Variants in PARVA observed in about 807,000 individuals in gnomAD.
The protein encoded by PARVA is parvin alpha.
Under a neutral mutation model 52.6 loss-of-function variants are expected in PARVA, and 25 were observed. The ratio of observed to expected loss-of-function variants is 0.48; its 90% CI spans 0.35 to 0.66. The LOEUF is 0.66. PARVA is among the 30% of genes least tolerant of loss of function. The pLI is 0.01. For synonymous variants in PARVA, 185 were observed against 179.1 expected, an observed-to-expected ratio of 1.03 and a Z score of -0.26; for missense variants, 373 against 450.9, an observed-to-expected ratio of 0.83 and a Z score of 1.56.
chr11:12,505,088 C>G (rs1292017067), intron 6 of PARVA, among the ~76,000 whole-genome samples: 1 of 152,188 alleles, frequency 6.6e-6, no homozygotes, highest in Non-Finnish European at 1.5e-5. Context: ...AGGGTGTGCT[C>G]TCTCCCTGTG....
chr11:12,423,912 A>G (rs1284385018), intron 1 of PARVA, among the ~76,000 whole-genome samples: 1 of 152,158 alleles, frequency 6.6e-6, no homozygotes, highest in African/African-American at 2.4e-5. Context: ...ATCCTCCTGC[A>G]ATCTTCTTTG....
At chr11:12,378,662 GA>G (rs1411716524) in intron 1 of PARVA, among the ~76,000 whole-genome samples, 1 of 138,460 alleles carries the variant, frequency 7.2e-6, no homozygotes, top group Non-Finnish European at 1.5e-5. Context: ...TTTTTGGTTT[GA>G]AAACGAGGTG....
chr11:12,387,426 A>G (rs191932972), intron 1 of PARVA, among the ~76,000 whole-genome samples: 13 of 152,292 alleles, frequency 8.5e-5, no homozygotes, highest in Non-Finnish European at 7.4e-5. Flanking sequence ...ATGCTTCTTA[A>G]CTAACTGTCT....
At chr11:12,482,737 G>A (rs1057404355) in intron 4 of PARVA, among the ~76,000 whole-genome samples, 71 of 152,108 alleles carry the variant, frequency 4.7e-4, no homozygotes, top group African/African-American at 1.5e-3. Context: ...CTTACATGGC[G>A]GCAGGCAGAA....
intron 9 of PARVA, 124 bp downstream of exon 9, chr11:12,513,484 A>G (rs1941528929): frequency 2.3e-6 from 2 of 855,012 alleles, no homozygotes; most frequent in Non-Finnish European, 4.1e-6. Flanking sequence ...CTCTGCACAC[A>G]CAGGGCTTTC....
intron 1 of PARVA, among the ~76,000 whole-genome samples, chr11:12,383,364 G>A (rs991042558): frequency 6.6e-6 from 1 of 152,154 alleles, no homozygotes. Context: ...TCTGCTGAAG[G>A]CACCCGAATT....
chr11:12,504,259 A>T, intron 5 of PARVA, 55 bp from the exon 6 acceptor site: 1 of 995,282 alleles, frequency 1.0e-6, no homozygotes, highest in African/African-American at 1.6e-5. Flanking sequence ...ATCTGCTTAT[A>T]TTGCCTAGAA....
intron 1 of PARVA, among the ~76,000 whole-genome samples, chr11:12,469,140 G>A (rs1288821714): frequency 2.0e-5 from 3 of 152,096 alleles, no homozygotes; most frequent in Admixed American, 6.5e-5. Context: ...GTTTTATACC[G>A]AAGTTCAAGG....
Position 12,452,967 on chromosome 11 carries a change from G to T in PARVA, c.137-20778G>T, listed in dbSNP as rs1467867411. ...AACCACAGGGAGGGGGTCAGCTCTG[G>T]GCAGAAGATGCCATGATTGCCATGA... is the stretch of plus-strand genomic sequence containing the variant. On this transcript the variant is annotated intron_variant, in intron 1 of 12. Coordinates refer to ENST00000334956, the MANE Select transcript of PARVA (RefSeq NM_018222.5). The T allele has an allele frequency of 6.6e-6, 3 of 456,276 alleles. No individual in the cohort carries two copies. In the Admixed American group the frequency reaches 7.1e-5, roughly 11 times the overall value. The allele number at this position is 456,276 out of a possible 1,614,324, so 28.3% of individuals were successfully genotyped here.
At position 12,406,799 on chromosome 11, in the gene PARVA, T is replaced by C. The variant is rs564144168; in HGVS notation, c.136+29016T>C. Among the ~76,000 whole-genome samples, 7 of 150,976 alleles carry C rather than the reference T, an allele frequency of 4.6e-5. No individual in the cohort carries two copies. The South Asian group carries it at 1.3e-3, about 27-fold the overall frequency. ...CATTCTCCTGCCTCGGCCTCCCAAG[T>C]AGCTGGGACTACAGGCACCCGCCAC... On this transcript the variant is annotated intron_variant, in intron 1 of 12. Coordinates refer to ENST00000334956, the MANE Select transcript of PARVA (RefSeq NM_018222.5).
In PARVA at chr11:12,489,438, A is replaced by G. The variant is rs115899756; in HGVS notation, c.401-7020A>G. ...GCACTAGAGAAATTACCCAGAATCCAGTATAGAAAGACAACAGAATAGAAA... is the reference window on the plus strand; with the variant it reads ...GCACTAGAGAAATTACCCAGAATCCGGTATAGAAAGACAACAGAATAGAAA... On this transcript the variant is annotated intron_variant, in intron 4 of 12. Coordinates refer to ENST00000334956, the MANE Select transcript of PARVA (RefSeq NM_018222.5). 2.8e-3 allele frequency among the ~76,000 whole-genome samples: 429 copies of G among 152,342 alleles called. 1 individual carries two copies. Among genetic ancestry groups the G allele is most frequent in the African/African-American group, 9.7e-3 (404 of 41,582 alleles).
At position 12,400,319 on chromosome 11, in the gene PARVA, G is replaced by A. The variant is rs535814852; in HGVS notation, c.136+22536G>A. On this transcript the variant is annotated intron_variant, in intron 1 of 12. Coordinates refer to ENST00000334956, the MANE Select transcript of PARVA (RefSeq NM_018222.5). Reference sequence around the variant, plus strand: ...TTACCAGTGAGGTTGAATGTTTTTCGTGCATAAACCCATTTATATTTCTCC... The same window carrying A: ...TTACCAGTGAGGTTGAATGTTTTTCATGCATAAACCCATTTATATTTCTCC... 3.9e-5 allele frequency among the ~76,000 whole-genome samples: 6 copies of A among 152,116 alleles called. No homozygotes were observed. In the East Asian group the frequency reaches 7.7e-4, roughly 20 times the overall value.
chr11:12,489,071 C>G (rs1050665417), intron 4 of PARVA, among the ~76,000 whole-genome samples: 1 of 151,510 alleles, frequency 6.6e-6, no homozygotes, highest in African/African-American at 2.4e-5. Context: ...ATACCTGTAG[C>G]CCCAGCACTT....
At chr11:12,447,025 G>A (rs1940556545) in intron 1 of PARVA, among the ~76,000 whole-genome samples, 1 of 152,134 alleles carries the variant, frequency 6.6e-6, no homozygotes, top group Non-Finnish European at 1.5e-5. Flanking sequence ...TCCTCTCTAT[G>A]TCCTAAATGT....
chr11:12,484,167 G>C (rs1022433407), intron 4 of PARVA, among the ~76,000 whole-genome samples: 8 of 152,240 alleles, frequency 5.3e-5, no homozygotes, highest in African/African-American at 4.8e-5. Context: ...CTGAGTGAGA[G>C]ATGGGATAAG....
intron 4 of PARVA, 121 bp downstream of exon 4, chr11:12,478,070 G>A (rs1296251783): frequency 1.2e-5 from 9 of 756,090 alleles, no homozygotes; most frequent in East Asian, 9.9e-5. Context: ...GATTACAAAT[G>A]TGTGGAGCAT....
chr11:12,384,373 C>A (rs972976375), intron 1 of PARVA, among the ~76,000 whole-genome samples: 1 of 152,156 alleles, frequency 6.6e-6, no homozygotes, highest in Non-Finnish European at 1.5e-5. Context: ...GTGCCTAACA[C>A]GTACCATGCA....
chr11:12,504,407 C>T lies in PARVA; in HGVS notation c.635C>T (p.Ser212Phe). 1.9e-6 allele frequency: 3 copies of T among 1,612,524 alleles called. No individual in the cohort carries two copies. Among genetic ancestry groups the T allele is most frequent in the Non-Finnish European group, 2.5e-6 (3 of 1,178,586 alleles). ...RAPIRLPDHVSIQVVVVQKRE... is the reference protein window; with the variant it reads ...RAPIRLPDHVFIQVVVVQKRE... ...CCAATTCGACTCCCAGACCATGTTT[C>T]CATCCAAGTGGTTGTGGTCCAGGTA... Residue 212 changes from serine to phenylalanine, a missense_variant, in exon 6 of 13, where the codon TCC becomes TTC. By Grantham distance (155) the Ser-to-Phe change is radical (BLOSUM62 -2). Transcript: ENST00000334956.
At chr11:12,470,897 A>G (rs1040330594) in intron 1 of PARVA, among the ~76,000 whole-genome samples, 9 of 152,170 alleles carry the variant, frequency 5.9e-5, no homozygotes, top group African/African-American at 2.2e-4. Flanking sequence ...GCAAAGCAGT[A>G]GACCAGTTAG....
Sources: allele counts gnomAD v4.1 joint callset (sites outside exome capture counted in the v4.1 genomes callset), GRCh38; gene constraint gnomAD v4.1.1; transcripts MANE v1.5; gene names NCBI Gene and HGNC (gene_info 2026-07-23, HGNC 2026-07-21).